Variants in TNFSF10 observed in about 807,000 individuals in gnomAD.
The protein encoded by TNFSF10 is tumor necrosis factor ligand superfamily member 10.
TNFSF10 carries 13 observed loss-of-function variants against 29.5 expected under a neutral mutation model. The ratio of observed to expected loss-of-function variants is 0.44; its 90% confidence interval spans 0.29 to 0.70. TNFSF10 has a LOEUF of 0.70. Ranked by LOEUF, TNFSF10 falls within the 30% of genes least tolerant of loss-of-function variation. The probability of loss-of-function intolerance (pLI) is 0.13; values close to 1 mark genes in which losing one functional copy is unlikely to be tolerated. For synonymous variants in TNFSF10, 111 were observed against 112.8 expected (o/e 0.98, Z 0.10); for missense variants, 345 against 330.9 (o/e 1.04, Z -0.33).
intron 3 of TNFSF10, among the ~76,000 whole-genome samples, chr3:172,510,198 A>T (rs1282940648): frequency 6.6e-6 from 1 of 152,196 alleles, no homozygotes; most frequent in Admixed American, 6.5e-5. Flanking sequence ...GAAAATATGA[A>T]TTAGAAAGTG....
At chr3:172,520,114 A>G (rs554175099) in intron 1 of TNFSF10, among the ~76,000 whole-genome samples, 1 of 152,256 alleles carries the variant, frequency 6.6e-6, no homozygotes, top group Non-Finnish European at 1.5e-5. Context: ...ATTCTCTACT[A>G]TTTAATATAC....
Position 172,506,917 on chromosome 3 carries a change from A to T in TNFSF10, c.421T>A (p.Ser141Thr). 1 of 1,585,666 alleles carries T rather than the reference A, an allele frequency of 6.3e-7. No homozygotes were observed. Among genetic ancestry groups the T allele is most frequent in the Non-Finnish European group, 8.6e-7 (1 of 1,169,266 alleles). ...GRSNTLSSPNSKNEKALGRKI... is the reference protein window; with the variant it reads ...GRSNTLSSPNTKNEKALGRKI... ...CGGCCCAGAGCCTTTTCATTCTTGG[A>T]GTCTGTAGGAAATTTAGAGAGAAAG... is the stretch of plus-strand genomic sequence containing the variant. Residue 141 changes from serine (S) to threonine (T), a missense_variant and splice_region_variant, in exon 5 of 5, where the codon TCC (serine) becomes ACC (threonine). By Grantham distance (58) the Ser-to-Thr change is moderately conservative. Transcript: ENST00000241261.
chr3:172,516,384 A>G (rs1299669415), intron 1 of TNFSF10, among the ~76,000 whole-genome samples: 1 of 152,204 alleles, frequency 6.6e-6, no homozygotes, highest in African/African-American at 2.4e-5. Context: ...AAATTGAACG[A>G]TGATTCACTC....
At position 172,507,047 on chromosome 3, in the gene TNFSF10, CT is replaced by C. The variant is rs1049054405; in HGVS notation, c.419-129del. The C allele has an allele frequency of 5.4e-6, 4 of 739,108 alleles. No individual in the cohort carries two copies. The African/African-American group carries it at 7.1e-5, about 13-fold the overall frequency. 45.8% of individuals were successfully genotyped at this position (739,108 alleles called of 1,614,324 possible). ...CCAGGGATTTCAATCTAATATCAAACTTCTTCCTCCTTCAATCTTAATGTGG... is the reference window on the plus strand; with the variant it reads ...CCAGGGATTTCAATCTAATATCAAACTCTTCCTCCTTCAATCTTAATGTGG... On this transcript the variant is annotated intron_variant, in intron 4 of 4. Transcript: ENST00000241261.
Position 172,506,428 on chromosome 3 carries a change from A to C in TNFSF10, c.*64T>G, listed in dbSNP as rs1425393629. The C allele has an allele frequency of 6.7e-7, 1 of 1,499,162 alleles. No homozygotes were observed. The highest frequency in any genetic ancestry group is 1.4e-5 in the African/African-American group (1 of 71,116). The allele number at this position is 1,499,162 out of a possible 1,614,324, so 92.9% of individuals were successfully genotyped here. ...TGGTCAGATTTTTTGAAACATCTTC[A>C]TAGTGTATCATCCTGAAAACTGAAT... is the stretch of plus-strand genomic sequence containing the variant. On this transcript the variant is annotated 3_prime_UTR_variant, in exon 5 of 5. Transcript: ENST00000241261.
At chr3:172,523,013 G>T (rs1713771118) in intron 1 of TNFSF10, among the ~76,000 whole-genome samples, 1 of 152,170 alleles carries the variant, frequency 6.6e-6, no homozygotes, top group Non-Finnish European at 1.5e-5. Flanking sequence ...CAGGAGTTTT[G>T]TTGCCCACAT....
At chr3:172,508,821 G>A (rs1261648717) in intron 4 of TNFSF10, among the ~76,000 whole-genome samples, 2 of 151,440 alleles carry the variant, frequency 1.3e-5, no homozygotes, top group Admixed American at 6.6e-5. Context: ...CACTGGAGGC[G>A]GAGGTTGCAG....
chr3:172,518,430 C>T, intron 1 of TNFSF10: 1 of 1,289,274 alleles, frequency 7.8e-7, no homozygotes, highest in Non-Finnish European at 1.0e-6. Context: ...CTGTCTGCTG[C>T]CCAGACATTA....
At chr3:172,509,856 A>G (rs1157897675) in intron 3 of TNFSF10, among the ~76,000 whole-genome samples, 1 of 151,850 alleles carries the variant, frequency 6.6e-6, no homozygotes, top group Non-Finnish European at 1.5e-5. Context: ...GCAGGCACCT[A>G]TAGTCCCAAC....
intron 4 of TNFSF10, among the ~76,000 whole-genome samples, chr3:172,508,888 TA>T (rs10543824): frequency 2.0e-4 from 29 of 146,424 alleles, no homozygotes; most frequent in Non-Finnish European, 2.9e-4. Context: ...AAACTCTGTC[TA>T]AAAAAAAAAA....
At chr3:172,517,258 T>A in intron 1 of TNFSF10, 1 of 875,602 alleles carries the variant, frequency 1.1e-6, no homozygotes, top group Non-Finnish European at 1.4e-6. Context: ...GTGGAGCTTG[T>A]GCCACAGGGA....
At chr3:172,511,983 G>T (rs553030097) in intron 2 of TNFSF10, among the ~76,000 whole-genome samples, 2 of 152,326 alleles carry the variant, frequency 1.3e-5, no homozygotes, top group Admixed American at 1.3e-4. Flanking sequence ...GCCAAATGTG[G>T]CTGATGGGTG....
At position 172,506,339 on chromosome 3, in the gene TNFSF10, T is replaced by C. The variant is rs1246464266; in HGVS notation, c.*153A>G. The C allele has an allele frequency of 1.1e-6, 1 of 893,092 alleles. No homozygotes were observed. The allele number at this position is 893,092 out of a possible 1,614,324, so 55.3% of individuals were successfully genotyped here. On this transcript the variant is annotated 3_prime_UTR_variant, in exon 5 of 5. Coordinates refer to ENST00000241261, the MANE Select transcript of TNFSF10 (RefSeq NM_003810.4). ...CAGTGTGTGTTGTAGAATTTTTTGG[T>C]TGTGGCTGCTCTACTCAGATTGCAT...
intron 1 of TNFSF10, among the ~76,000 whole-genome samples, chr3:172,516,410 C>G (rs1436301292): frequency 6.6e-6 from 1 of 152,144 alleles, no homozygotes; most frequent in East Asian, 1.9e-4. Context: ...TATAGAAAGA[C>G]AATATCATTT....
chr3:172,516,458 G>C (rs1243756758), intron 1 of TNFSF10, among the ~76,000 whole-genome samples: 1 of 152,184 alleles, frequency 6.6e-6, no homozygotes, highest in Non-Finnish European at 1.5e-5. Flanking sequence ...AGAGGTCCCA[G>C]CTAGAATCAC....
At chr3:172,510,523 A>G (rs1310958965) in intron 3 of TNFSF10, among the ~76,000 whole-genome samples, 1 of 152,210 alleles carries the variant, frequency 6.6e-6, no homozygotes, top group Non-Finnish European at 1.5e-5. Flanking sequence ...CCAACTGGTT[A>G]TAGCAAACAC....
chr3:172,516,641 C>A (rs538472053), intron 1 of TNFSF10, among the ~76,000 whole-genome samples: 1 of 152,152 alleles, frequency 6.6e-6, no homozygotes, highest in Non-Finnish European at 1.5e-5. Flanking sequence ...AAGAGAAAAA[C>A]ATTCCCGTAG....
At chr3:172,522,337 A>C in intron 1 of TNFSF10, 1 of 965,976 alleles carries the variant, frequency 1.0e-6, no homozygotes, top group South Asian at 1.3e-5. Context: ...GCTACATTAC[A>C]GATTTTTTCG....
intron 1 of TNFSF10, chr3:172,518,282 G>C (rs905848141): frequency 8.6e-7 from 1 of 1,169,162 alleles, no homozygotes; most frequent in Non-Finnish European, 1.1e-6. Context: ...GTTCTGAAAA[G>C]TGGATTTCCA....
Sources: gnomAD v4.1 joint callset for allele counts (sites outside exome capture counted in the v4.1 genomes callset) on GRCh38, gnomAD v4.1.1 for gene constraint, MANE v1.5 for transcripts, NCBI Gene and HGNC (gene_info 2026-07-23, HGNC 2026-07-21) for gene names.